AADAC: variants seen among roughly 807,000 people sequenced by gnomAD.
The protein encoded by AADAC is arylacetamide deacetylase (esterase).
A neutral mutation model predicts 22.7 loss-of-function variants in AADAC; 17 were observed. The observed-to-expected ratio is 0.75, with a 90% CI of 0.51 to 1.12. AADAC has a LOEUF of 1.12. Ranked by LOEUF, AADAC falls within the 50% of genes most tolerant of loss-of-function variation. AADAC has a pLI of 0.00. For missense variants in AADAC, 465 were observed against 473.9 expected, an observed-to-expected ratio of 0.98 and a Z score of 0.17; for synonymous variants, 167 against 176.3, an observed-to-expected ratio of 0.95 and a Z score of 0.42.
chr3:151,823,966 A>G (rs1271530129), intron 3 of AADAC, among the ~76,000 whole-genome samples: 1 of 151,928 alleles, frequency 6.6e-6, no homozygotes, highest in Non-Finnish European at 1.5e-5. Flanking sequence ...TGAATTTTTA[A>G]ATTTGCATTA....
chr3:151,822,771 T>C (rs1560312321), intron 3 of AADAC, among the ~76,000 whole-genome samples: 1 of 152,018 alleles, frequency 6.6e-6, no homozygotes, highest in Non-Finnish European at 1.5e-5. Context: ...CTAATGGGTA[T>C]AGGATTTCCT....
chr3:151,821,076 C>A (rs1192901306), intron 3 of AADAC, among the ~76,000 whole-genome samples: 1 of 151,624 alleles, frequency 6.6e-6, no homozygotes, highest in South Asian at 2.1e-4. Context: ...CCTTAATTCC[C>A]AGTCTTTAAA....
intron 4 of AADAC, among the ~76,000 whole-genome samples, chr3:151,827,134 A>G (rs1969350): frequency 0.76 from 114,768 of 151,606 alleles, 43,809 homozygotes; most frequent in Middle Eastern, 0.84. Context: ...AGCTGGTCTC[A>G]AACTCCTGAC....
chr3:151,823,910 G>A (rs1027165295), intron 3 of AADAC, among the ~76,000 whole-genome samples: 1 of 151,934 alleles, frequency 6.6e-6, no homozygotes, highest in African/African-American at 2.4e-5. Flanking sequence ...TTTATTGTTT[G>A]TTTAATTATT....
At chr3:151,818,240 CAAAA>C (rs57922305) in intron 2 of AADAC, among the ~76,000 whole-genome samples, 6 of 139,382 alleles carry the variant, frequency 4.3e-5, no homozygotes, top group Non-Finnish European at 6.2e-5. Context: ...GACTCTGCCT[CAAAA>C]AAAAAAAAAA....
Position 151,828,166 on chromosome 3 carries a change from T to TCTATAGTAAAA in AADAC, c.1196_*6dup. 1 of 1,515,650 alleles carries TCTATAGTAAAA rather than the reference T, an allele frequency of 6.6e-7. No homozygotes were observed. Among genetic ancestry groups the TCTATAGTAAAA allele is most frequent in the Admixed American group, 2.1e-5 (1 of 48,182 alleles). The allele number at this position is 1,515,650 out of a possible 1,614,324, so 93.9% of individuals were successfully genotyped here. The stretch of plus-strand genomic sequence containing the variant: ...AGTATATTGAGTGGCTAAAGGAAAA[T>TCTATAGTAAAA]CTATAGTAAAACATGTAGCTATAAC... On this transcript the variant is annotated stop_gained and frameshift_variant, in exon 5 of 5. Coordinates refer to ENST00000232892, the MANE Select transcript of AADAC (RefSeq NM_001086.3). LOFTEE classifies it high-confidence loss of function.
chr3:151,815,817 CG>C lies in AADAC; in HGVS notation c.138+1518del, dbSNP rs559497047. Among the ~76,000 whole-genome samples the C allele has an allele frequency of 6.9e-4, 105 of 151,842 alleles. 2 individuals carry two copies. The highest frequency in any genetic ancestry group is 2.4e-3 in the African/African-American group (101 of 41,470). ...GTTTGTTTGCTTGCTTTTTTGTGATCGTTTATGCTCCTGGTTTGTCCCTTTT... is the reference window on the plus strand; with the variant it reads ...GTTTGTTTGCTTGCTTTTTTGTGATCTTTATGCTCCTGGTTTGTCCCTTTT... On this transcript the variant is annotated intron_variant, in intron 1 of 4. Coordinates refer to ENST00000232892, the MANE Select transcript of AADAC (RefSeq NM_001086.3).
intron 2 of AADAC, among the ~76,000 whole-genome samples, chr3:151,818,240 CAAAAA>C (rs57922305): frequency 7.2e-6 from 1 of 139,412 alleles, no homozygotes; most frequent in Non-Finnish European, 1.6e-5. Flanking sequence ...GACTCTGCCT[CAAAAA>C]AAAAAAAAAA....
rs1318910412 is a variant in AADAC, at chr3:151,828,147, T to C, written c.1175T>C (p.Ile392Thr). Residue 392 changes from isoleucine (I) to threonine (T), a missense_variant, in exon 5 of 5, where the codon ATT (isoleucine) becomes ACT (threonine). Physicochemically the swap from Ile to Thr is moderately conservative, Grantham distance 89 (BLOSUM62 -1). Coordinates refer to ENST00000232892, the MANE Select transcript of AADAC (RefSeq NM_001086.3). The part of the protein sequence containing the change: ...KISHRLINQY[I>T]EWLKENL ...AGTCACAGACTTATAAATCAGTATATTGAGTGGCTAAAGGAAAATCTATAG... is the reference window on the plus strand; with the variant it reads ...AGTCACAGACTTATAAATCAGTATACTGAGTGGCTAAAGGAAAATCTATAG... The C allele has an allele frequency of 3.8e-6, 6 of 1,565,606 alleles. No individual in the cohort carries two copies. The highest frequency in any genetic ancestry group is 2.3e-5 in the East Asian group (1 of 44,024).
At chr3:151,814,399 T>C in intron 1 of AADAC, 99 bp downstream of exon 1, 3 of 1,271,030 alleles carry the variant, frequency 2.4e-6, no homozygotes, top group Non-Finnish European at 3.2e-6. Context: ...TATTGACTTA[T>C]TCATCTTTTA....
chr3:151,827,513 C>A, intron 4 of AADAC, 63 bp from the exon 5 acceptor site: 1 of 981,214 alleles, frequency 1.0e-6, no homozygotes, highest in Non-Finnish European at 1.5e-6. Context: ...GATAGATAAT[C>A]TTATTAGGGA....
chr3:151,816,761 CT>C (rs1292783865), intron 1 of AADAC, among the ~76,000 whole-genome samples: 1 of 151,246 alleles, frequency 6.6e-6, no homozygotes, highest in African/African-American at 2.4e-5. Flanking sequence ...ATGGTTGACA[CT>C]TTTTTTTTAC....
In AADAC at chr3:151,819,959, C is replaced by G. The variant is rs115879643; in HGVS notation, c.362-424C>G. On this transcript the variant is annotated intron_variant, in intron 2 of 4. Transcript: ENST00000232892. ...AGACTTAGGTGATCCTTCTATATTG[C>G]AACAATTCTGTCTATATCTCCTTGG... 8.5e-3 allele frequency among the ~76,000 whole-genome samples: 1,286 copies of G among 152,126 alleles called. 16 individuals carry two copies. Among genetic ancestry groups the G allele is most frequent in the African/African-American group, 0.029 (1,222 of 41,512 alleles).
At chr3:151,822,787 C>T (rs1279045722) in intron 3 of AADAC, among the ~76,000 whole-genome samples, 1 of 151,836 alleles carries the variant, frequency 6.6e-6, no homozygotes, top group African/African-American at 2.4e-5. Context: ...TTCCTTTTGG[C>T]ATGAGGAAAA....
intron 4 of AADAC, among the ~76,000 whole-genome samples, chr3:151,827,327 T>C (rs554137498): frequency 4.6e-5 from 7 of 152,136 alleles, no homozygotes; most frequent in African/African-American, 1.4e-4. Flanking sequence ...TTTTGCATTA[T>C]CCATAAAGCA....
chr3:151,818,127 GCTA>G, intron 2 of AADAC, among the ~76,000 whole-genome samples: 1 of 151,426 alleles, frequency 6.6e-6, no homozygotes, highest in South Asian at 2.1e-4. Flanking sequence ...CATTATCCCA[GCTA>G]CTCGGGGGGC....
intron 2 of AADAC, among the ~76,000 whole-genome samples, chr3:151,819,117 A>T (rs1174917986): frequency 1.0e-5 from 1 of 96,154 alleles, no homozygotes; most frequent in African/African-American, 3.6e-5. Flanking sequence ...GATTAAAAAA[A>T]TAGATCTGAA....
At chr3:151,816,676 T>A (rs1386949681) in intron 1 of AADAC, among the ~76,000 whole-genome samples, 1 of 151,994 alleles carries the variant, frequency 6.6e-6, no homozygotes, top group Non-Finnish European at 1.5e-5. Flanking sequence ...GTCTGGTTAA[T>A]AGAAGAAAAA....
chr3:151,820,390 T>G lies in AADAC; in HGVS notation c.369T>G (p.Ser123Arg), dbSNP rs145320004. 15 of 1,581,510 alleles carry G rather than the reference T, an allele frequency of 9.5e-6. No individual in the cohort carries two copies. The highest frequency in any genetic ancestry group is 1.2e-5 in the Non-Finnish European group (14 of 1,160,936). The change falls in exon 3 of 5, where the codon AGT becomes AGG. Residue 123 changes from serine (S) to arginine (R), a missense_variant. Ser to Arg is a moderately radical substitution (Grantham distance 110). Coordinates refer to ENST00000232892, the MANE Select transcript of AADAC (RefSeq NM_001086.3). ...TTTATCCTTTTATTTCAGCTCTAAG[T>G]GGTTATGACTTGCTGTCAAGATGGA... Reference protein sequence around the residue: ...GGWCVGSAALSGYDLLSRWTA... With the variant: ...GGWCVGSAALRGYDLLSRWTA...
Sources: gnomAD v4.1 joint callset for allele counts (sites outside exome capture counted in the v4.1 genomes callset) on GRCh38, gnomAD v4.1.1 for gene constraint, MANE v1.5 for transcripts, NCBI Gene and HGNC (gene_info 2026-07-23, HGNC 2026-07-21) for gene names.